The following CCDC33 variants were observed in gnomAD, a reference collection of about 807,000 sequenced individuals.
CCDC33 encodes the protein coiled-coil domain-containing protein 33.
Under a neutral mutation model 91.9 loss-of-function variants are expected in CCDC33, and 94 were observed. The ratio of observed to expected loss-of-function variants is 1.02; its 90% confidence interval spans 0.87 to 1.21. The LOEUF is 1.21. CCDC33 is among the 50% of genes most tolerant of loss of function. CCDC33 has a pLI of 0.00. For missense variants in CCDC33, 940 were observed against 935.5 expected (o/e 1.00, Z -0.06); for synonymous variants, 396 against 374.5 (o/e 1.06, Z -0.66).
At chr15:74,306,692 A>G (rs2059899687) in intron 11 of CCDC33, among the ~76,000 whole-genome samples, 1 of 152,216 alleles carries the variant, frequency 6.6e-6, no homozygotes, top group Non-Finnish European at 1.5e-5. Flanking sequence ...AGAAAGTCTT[A>G]GCGGTGTGGA....
intron 11 of CCDC33, among the ~76,000 whole-genome samples, chr15:74,307,176 G>C (rs1022999154): frequency 6.6e-6 from 1 of 152,192 alleles, no homozygotes; most frequent in African/African-American, 2.4e-5. Context: ...TTGAATCATC[G>C]ATTGGTGAGG....
At position 74,268,458 on chromosome 15, in the gene CCDC33, G is replaced by A; in HGVS notation, c.546G>A (p.Glu182=). 6.3e-7 allele frequency: 1 copy of A among 1,598,074 alleles called. No individual in the cohort carries two copies. The highest frequency in any genetic ancestry group is 8.6e-7 in the Non-Finnish European group (1 of 1,169,168). ...RYIGCNHMAL[E]IFLRGVNEPL... Reference sequence around the variant, plus strand: ...TCGGCTGCAACCACATGGCTCTGGAGGTACCAGGGCTGGGGCCCTCTGGGG... The same window carrying A: ...TCGGCTGCAACCACATGGCTCTGGAAGTACCAGGGCTGGGGCCCTCTGGGG... Residue 182 remains glutamate, a splice_region_variant and synonymous_variant, in exon 5 of 19, where the codon GAG becomes GAA. Transcript: ENST00000398814.
intron 11 of CCDC33, among the ~76,000 whole-genome samples, chr15:74,326,523 C>T (rs1596128773): frequency 1.3e-5 from 2 of 152,306 alleles, no homozygotes; most frequent in South Asian, 2.1e-4. Flanking sequence ...AGAGCCAAAG[C>T]GAAGGTGTCG....
rs1390526402 is a variant in CCDC33, at chr15:74,236,512, A to G, written c.-208A>G. On this transcript the variant is annotated 5_prime_UTR_variant, in exon 1 of 19. Transcript: ENST00000398814. ...ATCCAGGACCTGCTCCCACCTGGCC[A>G]CCCTCCCCCTCCCCCCACATCCAGG... The G allele has an allele frequency of 1.6e-5, 4 of 256,978 alleles. 1 individual carries two copies. The highest frequency in any genetic ancestry group is 2.3e-5 in the African/African-American group (1 of 42,954). 15.9% of individuals were successfully genotyped at this position (256,978 alleles called of 1,614,324 possible).
chr15:74,314,240 C>A (rs1567025319), intron 11 of CCDC33, among the ~76,000 whole-genome samples: 1 of 152,226 alleles, frequency 6.6e-6, no homozygotes, highest in Non-Finnish European at 1.5e-5. Context: ...CCTGCTCTCA[C>A]ATCGACTAGA....
At chr15:74,330,087 C>A in intron 11 of CCDC33, 102 bp from the exon 12 acceptor site, 1 of 1,374,974 alleles carries the variant, frequency 7.3e-7, no homozygotes, top group Non-Finnish European at 9.8e-7. Context: ...CTGGTGCTCA[C>A]TGGCCTTGTG....
intron 2 of CCDC33, among the ~76,000 whole-genome samples, chr15:74,250,351 G>C (rs2075668548): frequency 6.6e-6 from 1 of 152,080 alleles, no homozygotes; most frequent in African/African-American, 2.4e-5. Context: ...GGCCCCTCCA[G>C]CTCCCCAGCA....
At chr15:74,231,576 G>C (rs994753180), upstream of CCDC33, among the ~76,000 whole-genome samples, 21 of 152,202 alleles carry the variant, frequency 1.4e-4, no homozygotes, top group African/African-American at 5.1e-4. Context: ...CTTTCCCAGA[G>C]TGAAAGGAAA....
intron 3 of CCDC33, among the ~76,000 whole-genome samples, chr15:74,264,796 A>G (rs1171830587): frequency 6.6e-6 from 1 of 152,190 alleles, no homozygotes; most frequent in African/African-American, 2.4e-5. Context: ...CCCTACAACA[A>G]CCCAAGGGGA....
At chr15:74,254,691 G>A (rs185964241) in intron 2 of CCDC33, among the ~76,000 whole-genome samples, 1 of 150,954 alleles carries the variant, frequency 6.6e-6, no homozygotes, top group East Asian at 1.9e-4. Flanking sequence ...CCCTGCGAAT[G>A]TCAATGCTCC....
In CCDC33 at chr15:74,208,766, C is replaced by T. The variant is rs150466515; in HGVS notation, n.90-622C>T. The T allele has an allele frequency of 1.7e-3, 1,695 of 988,568 alleles. 6 individuals carry two copies. The highest frequency in any genetic ancestry group is 1.6e-3 in the Non-Finnish European group (1,346 of 831,886). The allele number at this position is 988,568 out of a possible 1,614,324, so 61.2% of individuals were successfully genotyped here. ...TCGCTGTTCCCCGACCTGTTCCAAT[C>T]CCACCTGGCCTCCCAGACTTGGCTC... is the stretch of plus-strand genomic sequence containing the variant. On this transcript the variant is annotated intron_variant and non_coding_transcript_variant, in intron 1 of 3. Transcript: ENST00000558645.
chr15:74,266,565 TG>T, intron 3 of CCDC33, 112 bp from the exon 4 acceptor site: 2 of 748,122 alleles, frequency 2.7e-6, no homozygotes, highest in Non-Finnish European at 2.4e-6. Context: ...TTCCTCAGTG[TG>T]GCCCCTGCTC....
At chr15:74,280,617 G>C in intron 8 of CCDC33, 51 bp from the exon 9 acceptor site, 1 of 1,425,744 alleles carries the variant, frequency 7.0e-7, no homozygotes, top group Non-Finnish European at 9.2e-7. Flanking sequence ...TTAAAGGATG[G>C]GGCCGAGGTG....
At chr15:74,270,544 T>G (rs893742334) in intron 5 of CCDC33, among the ~76,000 whole-genome samples, 19 of 151,592 alleles carry the variant, frequency 1.3e-4, no homozygotes, top group African/African-American at 4.4e-4. Flanking sequence ...GGAAAGAGGA[T>G]GGATTAGGGA....
At chr15:74,336,449 C>T (rs1409967251), downstream of CCDC33, 1 of 1,281,526 alleles carries the variant, frequency 7.8e-7, no homozygotes, top group East Asian at 5.4e-5. Context: ...AAACATCTAT[C>T]ATGTCTGATA....
chr15:74,313,481 C>T (rs757410325), intron 11 of CCDC33, among the ~76,000 whole-genome samples: 14 of 141,808 alleles, frequency 9.9e-5, no homozygotes, highest in African/African-American at 2.9e-4. Context: ...TACAGTGGCG[C>T]GATCTCAGCT....
intron 11 of CCDC33, among the ~76,000 whole-genome samples, chr15:74,320,284 C>T (rs973605095): frequency 2.0e-5 from 3 of 152,178 alleles, no homozygotes; most frequent in African/African-American, 7.2e-5. Context: ...GCCCAGCCCA[C>T]ATGGGCCTCC....
chr15:74,272,234 G>A (rs1005443397), intron 6 of CCDC33, among the ~76,000 whole-genome samples: 6 of 152,258 alleles, frequency 3.9e-5, no homozygotes, highest in African/African-American at 1.4e-4. Flanking sequence ...CCAGCCAGTG[G>A]TTGGCCCCAA....
At chr15:74,272,974 G>A in intron 7 of CCDC33, 83 bp downstream of exon 7, 6 of 1,543,870 alleles carry the variant, frequency 3.9e-6, no homozygotes, top group Non-Finnish European at 5.3e-6. Flanking sequence ...TCAGTCAGCA[G>A]TTCCCTTGAC....
Sources: gnomAD v4.1 joint callset for allele counts (sites outside exome capture counted in the v4.1 genomes callset) on GRCh38, gnomAD v4.1.1 for gene constraint, MANE v1.5 for transcripts, NCBI Gene and HGNC (gene_info 2026-07-23, HGNC 2026-07-21) for gene names.